MGST1: variants seen among roughly 807,000 people sequenced by gnomAD.
The protein encoded by MGST1 is glutathione S-transferase 12.
Under a neutral mutation model 8.9 loss-of-function variants are expected in MGST1, and 5 were observed. That is an observed-to-expected ratio of 0.56 (90% CI 0.29 to 1.19). The LOEUF (loss-of-function observed/expected upper bound fraction) is 1.19. MGST1 is among the 50% of genes most tolerant of loss of function. MGST1 has a pLI of 0.08. For missense variants in MGST1, 182 were observed against 187.4 expected, an observed-to-expected ratio of 0.97 and a Z score of 0.17; for synonymous variants, 54 against 67.8, an observed-to-expected ratio of 0.80 and a Z score of 1.00.
At position 16,582,934 on chromosome 12, in the gene MGST1, C is replaced by T. The variant is rs1209053822; in HGVS notation, n.483-6594C>T. ...TGGTGGCATGCACCTGTAATCCCAG[C>T]TACTCAGGAGGCTAATGCAGGAAAA... On this transcript the variant is annotated intron_variant and non_coding_transcript_variant, in intron 4 of 4. Coordinates refer to the MGST1 transcript ENST00000538857. This position sits in a 1 kb window ranked among gnomAD's most constrained non-coding sequence, Gnocchi z 4.1. Among the ~76,000 whole-genome samples the T allele has an allele frequency of 6.6e-6, 1 of 151,430 alleles. No homozygotes were observed. Among genetic ancestry groups the T allele is most frequent in the Non-Finnish European group, 1.5e-5 (1 of 67,962 alleles).
chr12:16,444,848 A>C (rs543444615), intron 4 of MGST1, among the ~76,000 whole-genome samples: 7 of 151,884 alleles, frequency 4.6e-5, no homozygotes, highest in Non-Finnish European at 8.8e-5. Flanking sequence ...GAGCTCGTGG[A>C]CAGTTTCAGA....
At chr12:16,506,846 C>A (rs898427058) in intron 4 of MGST1, among the ~76,000 whole-genome samples, 2 of 152,144 alleles carry the variant, frequency 1.3e-5, no homozygotes, top group African/African-American at 4.8e-5. Flanking sequence ...TTAGGATCAA[C>A]AATTAACGAA....
At chr12:16,423,116 C>CAG (rs1270397668) in intron 1 of MGST1, among the ~76,000 whole-genome samples, 3 of 152,208 alleles carry the variant, frequency 2.0e-5, no homozygotes, top group Non-Finnish European at 4.4e-5. Context: ...CTGGAGCAAT[C>CAG]AGAGGGCTCA....
chr12:16,455,702 A>G (rs75623987), intron 4 of MGST1, among the ~76,000 whole-genome samples: 4,412 of 151,934 alleles, frequency 0.029, 233 homozygotes, highest in African/African-American at 0.099. Context: ...ATCTATTGCT[A>G]TGGTTCATCA....
downstream of MGST1, among the ~76,000 whole-genome samples, chr12:16,440,300 A>G (rs989980364): frequency 6.6e-6 from 1 of 151,808 alleles, no homozygotes; most frequent in East Asian, 2.0e-4. Context: ...AACCTTGGGT[A>G]TAGAGTTTAA....
At chr12:16,538,548 A>G (rs1170014594) in intron 4 of MGST1, among the ~76,000 whole-genome samples, 1 of 152,002 alleles carries the variant, frequency 6.6e-6, no homozygotes, top group African/African-American at 2.4e-5. Context: ...ATTTAATTGG[A>G]CTTACAGTTC....
intron 4 of MGST1, among the ~76,000 whole-genome samples, chr12:16,452,061 CT>C (rs1208589393): frequency 6.6e-6 from 1 of 151,730 alleles, no homozygotes; most frequent in Non-Finnish European, 1.5e-5. Flanking sequence ...CAATGGTATA[CT>C]TTTTTAAAGA....
chr12:16,423,617 G>T (rs989368004), intron 1 of MGST1, among the ~76,000 whole-genome samples: 1 of 152,162 alleles, frequency 6.6e-6, no homozygotes, highest in Non-Finnish European at 1.5e-5. Flanking sequence ...CCCAGCATCT[G>T]CTCTTTTATA....
intron 2 of MGST1, among the ~76,000 whole-genome samples, chr12:16,355,396 A>G (rs570238340): frequency 6.6e-6 from 1 of 151,890 alleles, no homozygotes; most frequent in Admixed American, 6.6e-5. Flanking sequence ...TTTAGTAGAG[A>G]TGGGGTTTTG....
intron 1 of MGST1, chr12:16,399,431 C>T (rs1458975927): frequency 4.6e-5 from 71 of 1,535,138 alleles, no homozygotes; most frequent in African/African-American, 1.1e-4. Context: ...TTTCTTGGTC[C>T]GCTTTTCGGG....
intron 4 of MGST1, among the ~76,000 whole-genome samples, chr12:16,561,043 C>G (rs1003912101): frequency 1.2e-4 from 18 of 152,112 alleles, no homozygotes; most frequent in Admixed American, 1.3e-4. Context: ...CGCATGCATG[C>G]ACCTTATGGC....
At position 16,572,037 on chromosome 12, in the gene MGST1, G is replaced by A. The variant is rs189942465; in HGVS notation, n.483-17491G>A. On this transcript the variant is annotated intron_variant and non_coding_transcript_variant, in intron 4 of 4. Coordinates refer to the MGST1 transcript ENST00000538857. ...ATGAAAGCAATTATTTGTAGGATTA[G>A]ATGAACTCCTTTTTGGAATAAGAAA... Among the ~76,000 whole-genome samples the A allele has an allele frequency of 1.2e-3, 190 of 152,084 alleles. 2 individuals carry two copies. The highest frequency in any genetic ancestry group is 4.4e-3 in the Admixed American group (67 of 15,272).
At chr12:16,378,099 C>T (rs1346224795), downstream of MGST1, among the ~76,000 whole-genome samples, 1 of 152,054 alleles carries the variant, frequency 6.6e-6, no homozygotes, top group African/African-American at 2.4e-5. Context: ...TGTAGGTTGC[C>T]TGTTCACTCT....
At chr12:16,449,819 C>T (rs1231965092) in intron 4 of MGST1, among the ~76,000 whole-genome samples, 1 of 151,874 alleles carries the variant, frequency 6.6e-6, no homozygotes, top group African/African-American at 2.4e-5. Flanking sequence ...TGCCATTCAC[C>T]TTCGTTCTTC....
At position 16,537,139 on chromosome 12, in the gene MGST1, T is replaced by G. The variant is rs1224263428; in HGVS notation, n.483-52389T>G. 6.6e-6 allele frequency among the ~76,000 whole-genome samples: 1 copy of G among 152,130 alleles called. No individual in the cohort carries two copies. Among genetic ancestry groups the G allele is most frequent in the African/African-American group, 2.4e-5 (1 of 41,436 alleles). ...TACAGGTATTGGGTAAATACAGCTG[T>G]TCCAAATGGGGGAAATTGGCCAAAA... On this transcript the variant is annotated intron_variant and non_coding_transcript_variant, in intron 4 of 4. Transcript: ENST00000538857. This position sits in a 1 kb window ranked among gnomAD's most constrained non-coding sequence, Gnocchi z 4.6.
chr12:16,544,448 T>C lies in MGST1; in HGVS notation n.483-45080T>C, dbSNP rs561856661. Among the ~76,000 whole-genome samples the C allele has an allele frequency of 1.3e-5, 2 of 152,214 alleles. No individual in the cohort carries two copies. The highest frequency in any genetic ancestry group is 2.1e-4 in the South Asian group (1 of 4,832). On this transcript the variant is annotated intron_variant and non_coding_transcript_variant, in intron 4 of 4. Transcript: ENST00000538857. The surrounding 1 kb of genome is among the most constrained non-coding windows in gnomAD (Gnocchi z 4.8). The stretch of plus-strand genomic sequence containing the variant: ...CTTCTATTGAATGTGTATTTACTTA[T>C]ATAGCATCAATTTGTATTCATCTCT...
intron 4 of MGST1, among the ~76,000 whole-genome samples, chr12:16,531,630 C>G (rs1261081249): frequency 1.3e-5 from 2 of 152,000 alleles, no homozygotes; most frequent in Admixed American, 1.3e-4. Context: ...AAAAGAACTA[C>G]TAAATGAAAC....
intron 3 of MGST1, among the ~76,000 whole-genome samples, chr12:16,371,568 A>C (rs545090150): frequency 7.2e-4 from 109 of 152,108 alleles, no homozygotes; most frequent in Non-Finnish European, 1.4e-3. Flanking sequence ...ACTAATGAAC[A>C]TTTGCAATCA....
intron 4 of MGST1, among the ~76,000 whole-genome samples, chr12:16,462,096 T>C (rs1201714333): frequency 6.6e-6 from 1 of 152,150 alleles, no homozygotes; most frequent in Non-Finnish European, 1.5e-5. Context: ...TCACACACTT[T>C]ATGTTAATTT....
Sources: gnomAD v4.1 joint callset for allele counts (sites outside exome capture counted in the v4.1 genomes callset) on GRCh38, gnomAD v4.1.1 for gene constraint, Gnocchi (gnomAD v3.1) non-coding constraint, MANE v1.5 for transcripts, NCBI Gene and HGNC (gene_info 2026-07-23, HGNC 2026-07-21) for gene names.